The following MACF1 variants were observed in gnomAD, a reference collection of about 807,000 sequenced individuals.
MACF1 encodes the protein microtubule-actin cross-linking factor 1.
MACF1 carries 193 observed loss-of-function variants against 854.8 expected under a neutral mutation model. The ratio of observed to expected loss-of-function variants is 0.23; its 90% CI spans 0.20 to 0.25. MACF1 has a LOEUF of 0.25. Among genes scored for constraint, MACF1 ranks in the 10% least tolerant of loss-of-function variants. The pLI is 1.00. For synonymous variants in MACF1, 3,185 were observed against 3,226.7 expected (o/e 0.99, Z 0.44); for missense variants, 7,722 against 8,929.1 (o/e 0.86, Z 5.45).
chr1:39,464,868 C>T lies in MACF1; in HGVS notation c.21754-227C>T, dbSNP rs188864649. 6.9e-4 allele frequency: 328 copies of T among 474,308 alleles called. 1 individual carries two copies. The highest frequency in any genetic ancestry group is 6.7e-3 in the East Asian group (167 of 24,872). 29.4% of individuals were successfully genotyped at this position (474,308 alleles called of 1,614,324 possible). ...GTCGGAGGTTGCAGTGAGCCATGAT[C>T]GCGCCACTGCACTCCAGCCTGGGCA... On this transcript the variant is annotated intron_variant, in intron 94 of 100. Coordinates refer to ENST00000564288, the MANE Select transcript of MACF1 (RefSeq NM_001394062.1).
intron 5 of MACF1, among the ~76,000 whole-genome samples, chr1:39,256,973 C>T (rs1008854153): frequency 6.6e-5 from 10 of 151,654 alleles, no homozygotes; most frequent in Non-Finnish European, 1.5e-4. Flanking sequence ...CTTGTGCTTG[C>T]GAGGTTGCTT....
chr1:39,357,921 G>A lies in MACF1; in HGVS notation c.11943+28G>A, dbSNP rs140351948. On this transcript the variant is annotated intron_variant, in intron 45 of 100. Coordinates refer to ENST00000564288, the MANE Select transcript of MACF1 (RefSeq NM_001394062.1). ...AAGGGGGCAGTTCCTGGCATCCTTG[G>A]TGAAACAATCATGGCAGCCTTCACA... The A allele has an allele frequency of 1.9e-4, 299 of 1,578,982 alleles. 1 individual carries two copies. Among genetic ancestry groups the A allele is most frequent in the Non-Finnish European group, 2.4e-4 (279 of 1,164,248 alleles).
intron 26 of MACF1, among the ~76,000 whole-genome samples, chr1:39,313,705 G>A (rs1237528658): frequency 6.6e-6 from 1 of 152,002 alleles, no homozygotes; most frequent in Non-Finnish European, 1.5e-5. Flanking sequence ...CCCAAAGTTA[G>A]CCAATGGAAG....
rs905187136 is a variant in MACF1 at position 39,370,206 on chromosome 1, C to T, written c.13095+20C>T. ...CTGAAGGTAGGTGAACAAAGGGACT[C>T]CAAGAATTGGGCTAGGCACTGGTTT... On this transcript the variant is annotated intron_variant, in intron 51 of 100. Coordinates refer to ENST00000564288, the MANE Select transcript of MACF1 (RefSeq NM_001394062.1). 3 of 1,593,038 alleles carry T rather than the reference C, an allele frequency of 1.9e-6. No homozygotes were observed. In the Admixed American group the frequency reaches 5.2e-5, roughly 28 times the overall value.
At chr1:39,348,638 A>G (rs1166170142) in intron 41 of MACF1, among the ~76,000 whole-genome samples, 2 of 152,166 alleles carry the variant, frequency 1.3e-5, no homozygotes, top group African/African-American at 2.4e-5. Flanking sequence ...CAATTTGGGC[A>G]CCTGTTTGTA....
chr1:39,440,386 G>A (rs910888655), intron 72 of MACF1, among the ~76,000 whole-genome samples: 2 of 152,150 alleles, frequency 1.3e-5, no homozygotes, highest in African/African-American at 4.8e-5. Flanking sequence ...GATTACAGGC[G>A]TGAGACACTG....
In MACF1 at chr1:39,388,666, T is replaced by G; in HGVS notation, c.15816+8T>G. On this transcript the variant is annotated splice_region_variant and intron_variant, in intron 58 of 100. Transcript: ENST00000564288. ...CAATTAGCAGATTTTAAAGTAAGTCTGAACCTTGTTTTTCTTTTTCTTTTA... is the reference window on the plus strand; with the variant it reads ...CAATTAGCAGATTTTAAAGTAAGTCGGAACCTTGTTTTTCTTTTTCTTTTA... 6.5e-7 allele frequency: 1 copy of G among 1,534,202 alleles called. No homozygotes were observed. The highest frequency in any genetic ancestry group is 8.7e-7 in the Non-Finnish European group (1 of 1,146,282).
Position 39,335,756 on chromosome 1 carries a change from A to G in MACF1, c.9168A>G (p.Lys3056=). The change falls in exon 37 of 101, where the codon AAA becomes AAG. Residue 3056 remains lysine (K), a synonymous_variant. Transcript: ENST00000564288. ...TGGTACCTCAAGGAATTTCTGTAAAACATTTAGATGCTTTAACACTCTTCA... is the reference window on the plus strand; with the variant it reads ...TGGTACCTCAAGGAATTTCTGTAAAGCATTTAGATGCTTTAACACTCTTCA... ...SQVVPQGISV[K]HLDALTLFSS... 1 of 1,614,012 alleles carries G rather than the reference A, an allele frequency of 6.2e-7. No individual in the cohort carries two copies. Among genetic ancestry groups the G allele is most frequent in the East Asian group, 2.2e-5 (1 of 44,890 alleles).
At chr1:39,223,629 C>T (rs1000028640) in intron 1 of MACF1, among the ~76,000 whole-genome samples, 1 of 151,868 alleles carries the variant, frequency 6.6e-6, no homozygotes, top group African/African-American at 2.4e-5. Context: ...ATCCTCGTGC[C>T]TTGGCCAACC....
intron 2 of MACF1, among the ~76,000 whole-genome samples, chr1:39,182,324 G>A (rs1644115373): frequency 6.6e-6 from 1 of 151,854 alleles, no homozygotes; most frequent in South Asian, 2.1e-4. Flanking sequence ...AGCTAACACT[G>A]AAAGTATACA....
At chr1:39,301,437 A>G (rs1339576092) in intron 22 of MACF1, among the ~76,000 whole-genome samples, 2 of 92,586 alleles carry the variant, frequency 2.2e-5, no homozygotes, top group South Asian at 6.2e-4. Flanking sequence ...ATTTTATTTT[A>G]TTTTTTGAGA....
chr1:39,421,406 A>C (rs144455327), intron 58 of MACF1, among the ~76,000 whole-genome samples: 1 of 152,324 alleles, frequency 6.6e-6, no homozygotes, highest in East Asian at 1.9e-4. Flanking sequence ...GTCTGAAGTT[A>C]TTAAGGACAT....
intron 2 of MACF1, among the ~76,000 whole-genome samples, chr1:39,088,332 G>T (rs1390963100): frequency 6.6e-6 from 1 of 151,862 alleles, no homozygotes; most frequent in Non-Finnish European, 1.5e-5. Flanking sequence ...CAGGTGATCC[G>T]CTTGCCTTGG....
At position 39,433,104 on chromosome 1, in the gene MACF1, C is replaced by T. The variant is rs1019261308; in HGVS notation, c.17514C>T (p.His5838=). The T allele has an allele frequency of 1.2e-6, 2 of 1,612,228 alleles. No individual in the cohort carries two copies. Among genetic ancestry groups the T allele is most frequent in the East Asian group, 2.2e-5 (1 of 44,742 alleles). The stretch of plus-strand genomic sequence containing the variant: ...ATTCAATGGATGAACTCTTCAGTCA[C>T]CGTAGTGAAATCTTTGGCACATGTG... ...HKDSMDELFS[H]RSEIFGTCGE... Residue 5838 remains histidine, a synonymous_variant, in exon 68 of 101, where the codon CAC becomes CAT. Coordinates refer to ENST00000564288, the MANE Select transcript of MACF1 (RefSeq NM_001394062.1).
chr1:39,284,650 G>A (rs1387519733), intron 11 of MACF1, among the ~76,000 whole-genome samples: 1 of 152,172 alleles, frequency 6.6e-6, no homozygotes, highest in African/African-American at 2.4e-5. Context: ...AAAATGACAT[G>A]TATTTATTCA....
intron 2 of MACF1, among the ~76,000 whole-genome samples, chr1:39,241,659 CAAAAAAAAAAAAA>C (rs35678466): frequency 3.9e-5 from 2 of 51,506 alleles, no homozygotes; most frequent in South Asian, 8.7e-4. Context: ...GACTCCATCT[CAAAAAAAAAAAAA>C]AAAAAAAAAA....
chr1:39,344,356 C>T (rs539215918), intron 40 of MACF1, among the ~76,000 whole-genome samples: 1 of 150,848 alleles, frequency 6.6e-6, no homozygotes, highest in African/African-American at 2.4e-5. Flanking sequence ...CGCTTGAACC[C>T]GGGAGGTGGA....
At chr1:39,326,214 A>G (rs1646606400) in intron 35 of MACF1, among the ~76,000 whole-genome samples, 1 of 152,224 alleles carries the variant, frequency 6.6e-6, no homozygotes, top group Non-Finnish European at 1.5e-5. Flanking sequence ...GATAGATCCC[A>G]TTTGAATCAA....
intron 6 of MACF1, among the ~76,000 whole-genome samples, chr1:39,267,623 A>G (rs1431109547): frequency 6.6e-6 from 1 of 152,256 alleles, no homozygotes; most frequent in Admixed American, 6.5e-5. Context: ...GTCCATGTAA[A>G]TAACTTTACA....
Sources: gnomAD v4.1 joint callset for allele counts (sites outside exome capture counted in the v4.1 genomes callset) on GRCh38, gnomAD v4.1.1 for gene constraint, MANE v1.5 for transcripts, NCBI Gene and HGNC (gene_info 2026-07-23, HGNC 2026-07-21) for gene names.